PCDHA11: variants seen among roughly 807,000 people sequenced by gnomAD.
The protein encoded by PCDHA11 is protocadherin alpha-11.
A neutral mutation model predicts 70.3 loss-of-function variants in PCDHA11; 61 were observed. The ratio of observed to expected loss-of-function variants is 0.87; its 90% CI spans 0.71 to 1.07. The LOEUF (loss-of-function observed/expected upper bound fraction) is 1.07, where lower values mean the gene tolerates loss of function less well. PCDHA11 is among the 50% of genes least tolerant of loss of function. The pLI, the probability that PCDHA11 is intolerant of heterozygous loss-of-function variation, is 0.00. For synonymous variants in PCDHA11, 633 were observed against 555.1 expected (o/e 1.14, Z -1.97); for missense variants, 1,324 against 1,237.5 (o/e 1.07, Z -1.05).
intron 1 of PCDHA11, among the ~76,000 whole-genome samples, chr5:140,941,221 TTC>T (rs1217645089): frequency 7.6e-6 from 1 of 131,640 alleles, no homozygotes; most frequent in African/African-American, 3.0e-5. Flanking sequence ...CTTCCTTTCT[TTC>T]TTTCTTTCTT....
chr5:140,882,116 GTTTC>G (rs1420968771), intron 1 of PCDHA11: 4 of 1,427,956 alleles, frequency 2.8e-6, no homozygotes, highest in South Asian at 1.4e-5. Flanking sequence ...GAAAGCCGCC[GTTTC>G]TTTCTTCCTG....
chr5:140,887,496 A>G (rs1351125742), intron 1 of PCDHA11, among the ~76,000 whole-genome samples: 1 of 152,072 alleles, frequency 6.6e-6, no homozygotes, highest in Non-Finnish European at 1.5e-5. Context: ...CATAGTTTCT[A>G]ATAAGATGTT....
chr5:141,000,345 C>A (rs1395527046), intron 3 of PCDHA11, among the ~76,000 whole-genome samples: 7 of 116,650 alleles, frequency 6.0e-5, no homozygotes, highest in African/African-American at 2.4e-4. Context: ...CCCTATCTCT[C>A]TCTCTGTCTC....
intron 1 of PCDHA11, chr5:140,930,058 C>T (rs1186770970): frequency 6.6e-6 from 1 of 152,172 alleles, no homozygotes; most frequent in Non-Finnish European, 1.5e-5. Context: ...TTTGCTTACA[C>T]AAAAACTGTA....
intron 1 of PCDHA11, chr5:140,883,347 G>A (rs782384832): frequency 3.7e-6 from 6 of 1,614,046 alleles, no homozygotes; most frequent in African/African-American, 1.3e-5. Flanking sequence ...CTCCCCATCA[G>A]AGAAGACACT....
intron 3 of PCDHA11, among the ~76,000 whole-genome samples, chr5:141,000,351 GTCTC>G (rs1554257240): frequency 3.0e-5 from 2 of 66,862 alleles, no homozygotes. Flanking sequence ...CTCTCTCTCT[GTCTC>G]TCTCTGTCTC....
intron 1 of PCDHA11, chr5:140,876,915 C>A: frequency 6.2e-7 from 1 of 1,613,966 alleles, no homozygotes; most frequent in Non-Finnish European, 8.5e-7. Flanking sequence ...CGGCATGGGA[C>A]GCGGACGCGC....
intron 1 of PCDHA11, chr5:140,876,440 T>G (rs369023443): frequency 3.7e-6 from 6 of 1,613,994 alleles, no homozygotes; most frequent in Admixed American, 1.7e-5. Flanking sequence ...GTTAACGCCA[T>G]TGATAAAGGG....
rs181275532 is a variant in PCDHA11, at chr5:140,900,911, A to G, written c.2391+29417A>G. Among the ~76,000 whole-genome samples the G allele has an allele frequency of 2.3e-4, 35 of 152,252 alleles. 1 individual carries two copies. Among genetic ancestry groups the G allele is most frequent in the Admixed American group, 6.5e-4 (10 of 15,284 alleles). ...GGATAAAAGCCATTTTAACTGTGGTAAGATGATATCTCATTGTAGTTTTGA... is the reference window on the plus strand; with the variant it reads ...GGATAAAAGCCATTTTAACTGTGGTGAGATGATATCTCATTGTAGTTTTGA... On this transcript the variant is annotated intron_variant, in intron 1 of 3. Coordinates refer to ENST00000398640, the MANE Select transcript of PCDHA11 (RefSeq NM_018902.5).
intron 3 of PCDHA11, among the ~76,000 whole-genome samples, chr5:141,000,885 G>C (rs1213239926): frequency 6.6e-6 from 1 of 151,922 alleles, no homozygotes; most frequent in African/African-American, 2.4e-5. Context: ...TCCAACCTGG[G>C]CAACAGATAT....
chr5:140,881,230 G>A (rs1467821983), intron 1 of PCDHA11: 2 of 301,850 alleles, frequency 6.6e-6, no homozygotes, highest in Non-Finnish European at 9.8e-6. Flanking sequence ...GAAAATTAAA[G>A]TCAATTTAAA....
In PCDHA11 at chr5:140,871,489, G is replaced by C. The variant is rs782277615; in HGVS notation, c.2386G>C (p.Gly796Arg). 6.3e-7 allele frequency: 1 copy of C among 1,590,138 alleles called. No homozygotes were observed. Among genetic ancestry groups the C allele is most frequent in the Non-Finnish European group, 8.6e-7 (1 of 1,166,826 alleles). The part of the protein sequence containing the change: ...ERQEPGSNHP[G>R]QPRQPNPDWR... Reference sequence around the variant, plus strand: ...ACAGGAGCCAGGGTCAAATCACCCCGGACAGGTGAGTTTTCTACAGATTCC... The same window carrying C: ...ACAGGAGCCAGGGTCAAATCACCCCCGACAGGTGAGTTTTCTACAGATTCC... The change falls in exon 1 of 4, where the codon GGA (glycine) becomes CGA (arginine). Residue 796 changes from glycine to arginine, a missense_variant. Gly to Arg is a moderately radical substitution (Grantham distance 125). Transcript: ENST00000398640.
At chr5:140,901,828 A>G (rs538492227) in intron 1 of PCDHA11, among the ~76,000 whole-genome samples, 1 of 152,318 alleles carries the variant, frequency 6.6e-6, no homozygotes, top group African/African-American at 2.4e-5. Flanking sequence ...CTTCCAGTCC[A>G]TAAACATGCA....
intron 1 of PCDHA11, among the ~76,000 whole-genome samples, chr5:140,904,121 T>G (rs1554191284): frequency 6.6e-6 from 1 of 152,194 alleles, no homozygotes; most frequent in Non-Finnish European, 1.5e-5. Flanking sequence ...GAGATTTTGG[T>G]GCACCCATCA....
chr5:140,884,350 G>A, intron 1 of PCDHA11: 1 of 1,613,918 alleles, frequency 6.2e-7, no homozygotes, highest in South Asian at 1.1e-5. Flanking sequence ...CGGCGCTGGT[G>A]GATGTCAATG....
chr5:140,902,572 G>A (rs1249141591), intron 1 of PCDHA11, among the ~76,000 whole-genome samples: 1 of 151,954 alleles, frequency 6.6e-6, no homozygotes, highest in Non-Finnish European at 1.5e-5. Flanking sequence ...GGGTTTTTAA[G>A]ATTTCAATAG....
At chr5:140,984,968 C>T (rs1380988893) in intron 3 of PCDHA11, among the ~76,000 whole-genome samples, 1 of 151,950 alleles carries the variant, frequency 6.6e-6, no homozygotes, top group South Asian at 2.1e-4. Flanking sequence ...GACAGAGTCT[C>T]GCTCTGTCCC....
intron 1 of PCDHA11, among the ~76,000 whole-genome samples, chr5:140,915,369 G>GTC (rs2077091836): frequency 6.6e-6 from 1 of 152,160 alleles, no homozygotes; most frequent in Admixed American, 6.5e-5. Context: ...ACCAGTAAGT[G>GTC]TCTCGGCATT....
chr5:140,919,981 T>TA (rs869118855), intron 1 of PCDHA11, among the ~76,000 whole-genome samples: 2 of 133,388 alleles, frequency 1.5e-5, no homozygotes, highest in Admixed American at 7.6e-5. Flanking sequence ...AGATAGAAGA[T>TA]GGAAAACAGA....
Sources: gnomAD v4.1 joint callset for allele counts (sites outside exome capture counted in the v4.1 genomes callset) on GRCh38, gnomAD v4.1.1 for gene constraint, MANE v1.5 for transcripts, NCBI Gene and HGNC (gene_info 2026-07-23, HGNC 2026-07-21) for gene names.